The following CNTNAP4 variants were observed in gnomAD, a reference collection of about 807,000 sequenced individuals.
The protein encoded by CNTNAP4 is contactin associated protein family member 4.
In CNTNAP4, 98 loss-of-function variants were observed where a neutral mutation model predicts 148.4. The ratio of observed to expected loss-of-function variants is 0.66; its 90% CI spans 0.56 to 0.78. The LOEUF (loss-of-function observed/expected upper bound fraction) is 0.78, where lower values mean the gene tolerates loss of function less well. Ranked by LOEUF, CNTNAP4 falls within the 30% of genes least tolerant of loss-of-function variation. The pLI, the probability that CNTNAP4 is intolerant of heterozygous loss-of-function variation, is 0.00. For synonymous variants in CNTNAP4, 730 were observed against 565.1 expected, an observed-to-expected ratio of 1.29 and a Z score of -4.14; for missense variants, 1,935 against 1,565.6, an observed-to-expected ratio of 1.24 and a Z score of -3.98.
intron 4 of CNTNAP4, among the ~76,000 whole-genome samples, chr16:76,435,832 A>T (rs1267400444): frequency 1.3e-5 from 2 of 152,140 alleles, no homozygotes; most frequent in East Asian, 3.9e-4. Flanking sequence ...CTAAGCTGCA[A>T]CGTTAAATGC....
chr16:76,313,266 G>A (rs116993231), intron 1 of CNTNAP4, among the ~76,000 whole-genome samples: 2 of 152,028 alleles, frequency 1.3e-5, no homozygotes, highest in South Asian at 2.1e-4. Context: ...CCAAAACATC[G>A]ATCTGAATCT....
chr16:76,329,092 C>T (rs1963280358), intron 2 of CNTNAP4, among the ~76,000 whole-genome samples: 1 of 152,110 alleles, frequency 6.6e-6, no homozygotes, highest in East Asian at 1.9e-4. Flanking sequence ...GTACGAAATG[C>T]AAAATGTCAA....
chr16:76,346,670 C>A (rs1964927823), intron 2 of CNTNAP4, among the ~76,000 whole-genome samples: 1 of 151,980 alleles, frequency 6.6e-6, no homozygotes, highest in Non-Finnish European at 1.5e-5. Flanking sequence ...ATCATTTTTC[C>A]AAAACTACTA....
intron 4 of CNTNAP4, among the ~76,000 whole-genome samples, chr16:76,436,117 C>T (rs1423983437): frequency 2.0e-5 from 3 of 152,026 alleles, no homozygotes. Context: ...TCAGGAGAAT[C>T]AACATTATCT....
chr16:76,448,341 T>C (rs2080327337), intron 5 of CNTNAP4, 126 bp downstream of exon 5: 4 of 646,370 alleles, frequency 6.2e-6, no homozygotes, highest in South Asian at 2.2e-5. Flanking sequence ...GGCTTGTACA[T>C]ATGTCAATAT....
chr16:76,466,788 C>T (rs915738507), intron 9 of CNTNAP4, among the ~76,000 whole-genome samples: 1 of 152,008 alleles, frequency 6.6e-6, no homozygotes, highest in South Asian at 2.1e-4. Context: ...ATTAAGCCAT[C>T]AAGACTTACT....
intron 3 of CNTNAP4, among the ~76,000 whole-genome samples, chr16:76,390,382 G>C (rs531353708): frequency 1.3e-5 from 2 of 152,058 alleles, no homozygotes; most frequent in African/African-American, 4.8e-5. Flanking sequence ...GTGTGAGCTG[G>C]GCTATACATA....
chr16:76,337,404 G>T (rs776362463), intron 2 of CNTNAP4, among the ~76,000 whole-genome samples: 2 of 152,094 alleles, frequency 1.3e-5, no homozygotes, highest in African/African-American at 2.4e-5. Flanking sequence ...ATCACATATC[G>T]ACAGGTTCTG....
At chr16:76,552,833 T>C (rs1350447748) in intron 21 of CNTNAP4, among the ~76,000 whole-genome samples, 1 of 152,170 alleles carries the variant, frequency 6.6e-6, no homozygotes, top group East Asian at 1.9e-4. Context: ...ATAACAGAAG[T>C]CCAGAGGCTC....
At chr16:76,500,438 T>C (rs551094409) in intron 15 of CNTNAP4, among the ~76,000 whole-genome samples, 1 of 152,360 alleles carries the variant, frequency 6.6e-6, no homozygotes, top group South Asian at 2.1e-4. Flanking sequence ...CATTCCAGCA[T>C]TCCTGAATTT....
chr16:76,363,453 C>T (rs967194524), intron 3 of CNTNAP4, among the ~76,000 whole-genome samples: 6 of 151,940 alleles, frequency 3.9e-5, no homozygotes, highest in East Asian at 1.9e-4. Flanking sequence ...TGAGATACTG[C>T]GCCCAGCCTG....
chr16:76,369,857 G>A (rs1452351791), intron 3 of CNTNAP4, among the ~76,000 whole-genome samples: 1 of 152,002 alleles, frequency 6.6e-6, no homozygotes, highest in African/African-American at 2.4e-5. Flanking sequence ...GAGGGAGGGA[G>A]GGAGAGAGAG....
chr16:76,540,875 A>C, intron 21 of CNTNAP4, 85 bp downstream of exon 21: 8 of 863,948 alleles, frequency 9.3e-6, no homozygotes, highest in Non-Finnish European at 1.4e-5. Flanking sequence ...ACACACACCC[A>C]CTTCGTCATG....
In CNTNAP4 at chr16:76,461,970, G is replaced by T. The variant is rs746891132; in HGVS notation, c.1348G>T (p.Asp450Tyr). ...SDITAGVELN[D>Y]GQWHSVSLSA... ...CATCTCCCTAGGTGTCGAATTAAAT[G>T]ATGGGCAGTGGCATTCTGTCTCTTT... The change falls in exon 9 of 24, where the codon GAT becomes TAT. Residue 450 changes from aspartate (D) to tyrosine (Y), a missense_variant. Asp to Tyr is a radical substitution (Grantham distance 160, BLOSUM62 -3). Transcript: ENST00000611870. 3 of 1,613,764 alleles carry T rather than the reference G, an allele frequency of 1.9e-6. No homozygotes were observed. The highest frequency in any genetic ancestry group is 2.2e-5 in the East Asian group (1 of 44,874).
At chr16:76,383,598 T>C (rs143469453) in intron 3 of CNTNAP4, among the ~76,000 whole-genome samples, 155 of 152,268 alleles carry the variant, frequency 1.0e-3, no homozygotes, top group African/African-American at 3.6e-3. Context: ...TAAACAATAT[T>C]GCATACACTT....
intron 17 of CNTNAP4, among the ~76,000 whole-genome samples, chr16:76,526,548 C>T (rs553730027): frequency 6.6e-6 from 1 of 152,276 alleles, no homozygotes; most frequent in Admixed American, 6.5e-5. Flanking sequence ...AATTTAGATG[C>T]ACCCAACTTG....
chr16:76,326,239 G>A (rs910510590), intron 2 of CNTNAP4, among the ~76,000 whole-genome samples: 10 of 152,150 alleles, frequency 6.6e-5, no homozygotes, highest in Admixed American at 3.3e-4. Context: ...AAATACTAGC[G>A]TACATGTGTG....
At chr16:76,557,470 G>T (rs550534887) in intron 23 of CNTNAP4, 88 of 152,218 alleles carry the variant, frequency 5.8e-4, no homozygotes, top group African/African-American at 2.1e-3. Context: ...CTTTATTTCT[G>T]TTTCCCATTT....
intron 2 of CNTNAP4, among the ~76,000 whole-genome samples, chr16:76,343,295 T>A (rs1964635436): frequency 6.6e-6 from 1 of 152,186 alleles, no homozygotes; most frequent in Admixed American, 6.5e-5. Flanking sequence ...ATTGTGAGAC[T>A]TTCTTTTTAT....
Sources: gnomAD v4.1 joint callset for allele counts (sites outside exome capture counted in the v4.1 genomes callset) on GRCh38, gnomAD v4.1.1 for gene constraint, MANE v1.5 for transcripts, NCBI Gene and HGNC (gene_info 2026-07-23, HGNC 2026-07-21) for gene names.